Variants in CMPK1 observed in about 807,000 individuals in gnomAD.
CMPK1 encodes the protein cytidine/uridine monophosphate kinase 1.
Under a neutral mutation model 25.7 loss-of-function variants are expected in CMPK1, and 10 were observed. The ratio of observed to expected loss-of-function variants is 0.39; its 90% CI spans 0.24 to 0.66. The LOEUF (loss-of-function observed/expected upper bound fraction) is 0.66. Among genes scored for constraint, CMPK1 ranks in the 30% least tolerant of loss-of-function variants. The probability of loss-of-function intolerance (pLI) is 0.48; values close to 1 mark genes in which losing one functional copy is unlikely to be tolerated. For missense variants in CMPK1, 199 were observed against 280.5 expected (o/e 0.71, Z 2.08); for synonymous variants, 106 against 101.5 (o/e 1.04, Z -0.27).
At chr1:47,358,439 G>T in intron 1 of CMPK1, 1 of 1,198,562 alleles carries the variant, frequency 8.3e-7, no homozygotes, top group Non-Finnish European at 1.1e-6. Context: ...TGTTCTTCAA[G>T]AGATTCTTCT....
intron 1 of CMPK1, among the ~76,000 whole-genome samples, chr1:47,340,527 A>G (rs1646433943): frequency 6.6e-6 from 1 of 152,168 alleles, no homozygotes; most frequent in South Asian, 2.1e-4. Flanking sequence ...CAGATTTCCA[A>G]GCTCCTCATT....
intron 1 of CMPK1, among the ~76,000 whole-genome samples, chr1:47,341,864 A>G (rs993625916): frequency 6.6e-6 from 1 of 151,468 alleles, no homozygotes; most frequent in Non-Finnish European, 1.5e-5. Flanking sequence ...CTCATGATCC[A>G]CCCACCTCAG....
chr1:47,334,328 G>A (rs1332583943), intron 1 of CMPK1, among the ~76,000 whole-genome samples: 1 of 152,078 alleles, frequency 6.6e-6, no homozygotes, highest in Non-Finnish European at 1.5e-5. Flanking sequence ...GGGGGCCACC[G>A]CTTGAGGTCG....
chr1:47,345,329 T>C (rs1360441293), intron 1 of CMPK1, among the ~76,000 whole-genome samples: 1 of 152,056 alleles, frequency 6.6e-6, no homozygotes, highest in East Asian at 1.9e-4. Flanking sequence ...TTTTTTTTTT[T>C]CATAGAAACT....
Position 47,333,838 on chromosome 1 carries a change from G to C in CMPK1, c.-108G>C. 1.4e-6 allele frequency: 1 copy of C among 711,546 alleles called. No individual in the cohort carries two copies. The highest frequency in any genetic ancestry group is 1.7e-6 in the Non-Finnish European group (1 of 575,896). The allele number at this position is 711,546 out of a possible 1,614,324, so 44.1% of individuals were successfully genotyped here. A position where few individuals can be genotyped will look rare whatever the true frequency, so the allele number is the denominator to read the frequency against. On this transcript the variant is annotated 5_prime_UTR_variant, in exon 1 of 6. Transcript: ENST00000371873. ...CCCGGGCAGCCACGGCGGCGGGGCC[G>C]CGGCGGGCGCCGGCTCAGCCCGCCC...
chr1:47,360,448 A>G (rs894552569), intron 1 of CMPK1, among the ~76,000 whole-genome samples: 6 of 152,194 alleles, frequency 3.9e-5, no homozygotes, highest in Non-Finnish European at 7.3e-5. Context: ...TCCAGGCCTT[A>G]CATAGATGAG....
intron 1 of CMPK1, among the ~76,000 whole-genome samples, chr1:47,364,270 A>G (rs1000187052): frequency 1.1e-4 from 16 of 152,114 alleles, no homozygotes; most frequent in African/African-American, 3.9e-4. Flanking sequence ...AAGGACGCCT[A>G]ATAGTTTTAT....
chr1:47,347,088 T>A (rs1646490515), intron 1 of CMPK1, among the ~76,000 whole-genome samples: 1 of 152,142 alleles, frequency 6.6e-6, no homozygotes, highest in Non-Finnish European at 1.5e-5. Flanking sequence ...CGGCCTATTT[T>A]ATTTTTTTAT....
chr1:47,368,193 C>T (rs139805498), intron 1 of CMPK1, among the ~76,000 whole-genome samples: 3,841 of 152,232 alleles, frequency 0.025, 189 homozygotes, highest in African/African-American at 0.088. Flanking sequence ...ATCCACCCAC[C>T]TCAGCCTCCC....
At chr1:47,375,319 A>G in intron 5 of CMPK1, 26 bp downstream of exon 5, 4 of 1,369,952 alleles carry the variant, frequency 2.9e-6, no homozygotes, top group Non-Finnish European at 4.0e-6. Flanking sequence ...CTGTCTTTAA[A>G]AAAATATGTC....
intron 2 of CMPK1, among the ~76,000 whole-genome samples, chr1:47,368,900 A>G (rs1360388607): frequency 6.6e-6 from 1 of 152,208 alleles, no homozygotes; most frequent in Admixed American, 6.5e-5. Flanking sequence ...GTTCAAGTCC[A>G]GCCTGGGAAA....
chr1:47,375,107 G>A lies in CMPK1; in HGVS notation c.549-90G>A, dbSNP rs576509775. 114 of 1,250,098 alleles carry A rather than the reference G, an allele frequency of 9.1e-5. No homozygotes were observed. In the Middle Eastern group the frequency reaches 1.3e-3, roughly 14 times the overall value. 77.4% of individuals were successfully genotyped at this position (1,250,098 alleles called of 1,614,324 possible). On this transcript the variant is annotated intron_variant, in intron 4 of 5. Transcript: ENST00000371873. ...GTTTAAGATGTTAGGTCAATCAGTCGGGGCAGATCCAGTGTTCTGTGAGCT... is the reference window on the plus strand; with the variant it reads ...GTTTAAGATGTTAGGTCAATCAGTCAGGGCAGATCCAGTGTTCTGTGAGCT...
intron 1 of CMPK1, among the ~76,000 whole-genome samples, chr1:47,349,866 C>T (rs371493427): frequency 2.0e-5 from 3 of 152,202 alleles, no homozygotes; most frequent in South Asian, 2.1e-4. Flanking sequence ...AGTGCAGTGG[C>T]GCAATCTCGG....
intron 1 of CMPK1, among the ~76,000 whole-genome samples, chr1:47,350,271 G>A (rs571752133): frequency 2.5e-4 from 38 of 150,482 alleles, no homozygotes; most frequent in Non-Finnish European, 4.0e-4. Flanking sequence ...AGGACCTTGC[G>A]CTGTCACCAG....
rs1352926532 is a variant in CMPK1, at chr1:47,377,980, G to A, written c.*1235G>A. 8.5e-5 allele frequency: 13 copies of A among 152,254 alleles called. No homozygotes were observed. The highest frequency in any genetic ancestry group is 8.5e-4 in the Admixed American group (13 of 15,236). The allele number at this position is 152,254 out of a possible 1,614,324, so 9.4% of individuals were successfully genotyped here. A position where few individuals can be genotyped will look rare whatever the true frequency, so the allele number is the denominator to read the frequency against. ...GTCACAATGCTAAGTGGTATCCGAG[G>A]TTCTTAATATGAGATTTAAAATCTT... On this transcript the variant is annotated 3_prime_UTR_variant, in exon 6 of 6. Coordinates refer to ENST00000371873, the MANE Select transcript of CMPK1 (RefSeq NM_016308.3).
At chr1:47,350,539 A>G (rs892736611) in intron 1 of CMPK1, among the ~76,000 whole-genome samples, 6 of 152,150 alleles carry the variant, frequency 3.9e-5, no homozygotes, top group African/African-American at 1.4e-4. Context: ...GGCATGAGCC[A>G]CTGTGCCCAG....
At chr1:47,343,009 C>T (rs1345711763) in intron 1 of CMPK1, among the ~76,000 whole-genome samples, 4 of 136,424 alleles carry the variant, frequency 2.9e-5, no homozygotes, top group African/African-American at 1.1e-4. Flanking sequence ...TTTTTTGAAA[C>T]GGAATCTTGC....
chr1:47,376,845 A>T lies in CMPK1; in HGVS notation c.*100A>T. The T allele has an allele frequency of 1.5e-6, 1 of 654,850 alleles. No individual in the cohort carries two copies. The highest frequency in any genetic ancestry group is 2.8e-5 in the Admixed American group (1 of 35,482). 40.6% of individuals were successfully genotyped at this position (654,850 alleles called of 1,614,324 possible). ...GGCAATTCTAATCTTTCATAACTAC[A>T]TCTCAATTAGTGGCTGGAAAGTACA... On this transcript the variant is annotated 3_prime_UTR_variant, in exon 6 of 6. Transcript: ENST00000371873.
At chr1:47,358,084 T>C (rs1353367626) in intron 1 of CMPK1, among the ~76,000 whole-genome samples, 1 of 148,854 alleles carries the variant, frequency 6.7e-6, no homozygotes, top group South Asian at 2.1e-4. Flanking sequence ...TGACCTATCT[T>C]GAGTGCTGTC....
Sources: allele counts gnomAD v4.1 joint callset (sites outside exome capture counted in the v4.1 genomes callset), GRCh38; gene constraint gnomAD v4.1.1; transcripts MANE v1.5; gene names NCBI Gene and HGNC (gene_info 2026-07-23, HGNC 2026-07-21).